Variants in PHF7 observed in about 807,000 individuals in gnomAD.
The protein encoded by PHF7 is E3 ubiquitin-protein ligase PHF7.
Under a neutral mutation model 47.5 loss-of-function variants are expected in PHF7, and 24 were observed. The observed-to-expected ratio is 0.51, with a 90% confidence interval of 0.37 to 0.71. PHF7 has a LOEUF of 0.71. Among genes scored for constraint, PHF7 ranks in the 30% least tolerant of loss-of-function variants. The pLI is 0.00. For missense variants in PHF7, 361 were observed against 456.8 expected, an observed-to-expected ratio of 0.79 and a Z score of 1.91; for synonymous variants, 156 against 153.8, an observed-to-expected ratio of 1.01 and a Z score of -0.11.
At chr3:52,421,617 AAC>A (rs768243778) in intron 7 of PHF7, 29 bp from the exon 8 acceptor site, 2 of 1,284,358 alleles carry the variant, frequency 1.6e-6, no homozygotes, top group Admixed American at 1.7e-5. Context: ...GGTTTTTACA[AAC>A]ACAGAGCTCT....
At position 52,417,287 on chromosome 3, in the gene PHF7, T is replaced by C. The variant is rs577119751; in HGVS notation, c.187-2546T>C. Among the ~76,000 whole-genome samples the C allele has an allele frequency of 2.3e-4, 35 of 152,330 alleles. No homozygotes were observed. In the South Asian group the frequency reaches 7.0e-3, roughly 31 times the overall value. ...TGTTTTGACTATCAGGTCCTTTCTTTATAAAGTTTATATTAAGCTTGTCAA... is the reference window on the plus strand; with the variant it reads ...TGTTTTGACTATCAGGTCCTTTCTTCATAAAGTTTATATTAAGCTTGTCAA... On this transcript the variant is annotated intron_variant, in intron 4 of 10. Coordinates refer to ENST00000327906, the MANE Select transcript of PHF7 (RefSeq NM_016483.7).
chr3:52,422,187 T>C (rs1416816783), intron 8 of PHF7, 35 bp from the exon 9 acceptor site: 2 of 1,402,166 alleles, frequency 1.4e-6, no homozygotes, highest in African/African-American at 2.8e-5. Flanking sequence ...ACCAACCCAT[T>C]ATGTTCTTAT....
Position 52,411,182 on chromosome 3 carries a change from G to T in PHF7, c.-135G>T, listed in dbSNP as rs1381334426. ...AGATCGTGACGTCTTGTAACTAGCA[G>T]TGTGTGCACAGAATCCTACTCAAGG... On this transcript the variant is annotated 5_prime_UTR_variant, in exon 1 of 11. Coordinates refer to ENST00000327906, the MANE Select transcript of PHF7 (RefSeq NM_016483.7). 1 of 152,256 alleles carries T rather than the reference G, an allele frequency of 6.6e-6. No homozygotes were observed. Among genetic ancestry groups the T allele is most frequent in the Non-Finnish European group, 1.5e-5 (1 of 68,060 alleles). 9.4% of individuals were successfully genotyped at this position (152,256 alleles called of 1,614,324 possible).
chr3:52,423,187 C>G lies in PHF7; in HGVS notation c.1016C>G (p.Pro339Arg), dbSNP rs545649385. 1 of 1,613,810 alleles carries G rather than the reference C, an allele frequency of 6.2e-7. No individual in the cohort carries two copies. The highest frequency in any genetic ancestry group is 8.5e-7 in the Non-Finnish European group (1 of 1,179,684). The change falls in exon 11 of 11, where the codon CCG becomes CGG. Residue 339 changes from proline (P) to arginine (R), a missense_variant. Physicochemically the swap from Pro to Arg is moderately radical, Grantham distance 103. Coordinates refer to ENST00000327906, the MANE Select transcript of PHF7 (RefSeq NM_016483.7). ...AGAGACAACACCTTGGAAGAGAATC[C>G]GGGCCTTTCTTGGACTGATTGGCCA... is the stretch of plus-strand genomic sequence containing the variant. ...FCRDNTLEEN[P>R]GLSWTDWPEP...
chr3:52,413,872 G>A, intron 2 of PHF7, 124 bp from the exon 3 acceptor site: 3 of 697,818 alleles, frequency 4.3e-6, no homozygotes, highest in Non-Finnish European at 7.8e-6. Context: ...AGAAGCTGAT[G>A]TCTTAGGCTT....
Position 52,421,656 on chromosome 3 carries a change from C to T in PHF7, c.582C>T (p.Ala194=), listed in dbSNP as rs1287566889. The change falls in exon 8 of 11, where the codon GCC becomes GCT. Residue 194 remains alanine (A), a synonymous_variant. Transcript: ENST00000327906. ...CCCTGTTTCTCTTACAGAAATATGC[C>T]CACACATCAGCAAAGCATTTCTTCA... is the stretch of plus-strand genomic sequence containing the variant. ...IYHRKCIQKY[A]HTSAKHFFKC... 2.5e-6 allele frequency: 4 copies of T among 1,591,286 alleles called. No homozygotes were observed. In the South Asian group the frequency reaches 3.3e-5, roughly 13 times the overall value.
chr3:52,418,461 A>C (rs1204114922), intron 4 of PHF7, among the ~76,000 whole-genome samples: 1 of 152,230 alleles, frequency 6.6e-6, no homozygotes, highest in Non-Finnish European at 1.5e-5. Flanking sequence ...AATGATACTT[A>C]AAAATATGAA....
At chr3:52,412,712 A>G (rs1468481503) in intron 1 of PHF7, 99 bp from the exon 2 acceptor site, 6 of 624,508 alleles carry the variant, frequency 9.6e-6, no homozygotes, top group Non-Finnish European at 1.7e-5. Context: ...ATTCCATCAC[A>G]TGGGTTGGGA....
At chr3:52,421,332 G>A (rs1464516766) in intron 7 of PHF7, among the ~76,000 whole-genome samples, 2 of 152,210 alleles carry the variant, frequency 1.3e-5, no homozygotes, top group South Asian at 4.1e-4. Flanking sequence ...GAGCTGAGAA[G>A]CCTCTATGTC....
chr3:52,412,873 G>A lies in PHF7; in HGVS notation c.-7G>A. 6.2e-7 allele frequency: 1 copy of A among 1,603,602 alleles called. No individual in the cohort carries two copies. The highest frequency in any genetic ancestry group is 1.1e-5 in the South Asian group (1 of 90,678). On this transcript the variant is annotated 5_prime_UTR_variant, in exon 2 of 11. Transcript: ENST00000327906. ...GAATTCAAGAGAGGAGAGAGAGACA[G>A]CACCGAATGAAGACTGTAAAAGAAA...
chr3:52,421,029 T>C lies in PHF7; in HGVS notation c.540T>C (p.Cys180=), dbSNP rs759733825. Residue 180 remains cysteine, a synonymous_variant, in exon 7 of 11, where the codon TGT becomes TGC. Coordinates refer to ENST00000327906, the MANE Select transcript of PHF7 (RefSeq NM_016483.7). ...QSVENIQSPC[C]SQAIYHRKCI... ...TTGAGAACATCCAGAGCCCGTGTTG[T>C]AGTCAAGCCATCTACCACCGCAAGT... 2 of 1,612,898 alleles carry C rather than the reference T, an allele frequency of 1.2e-6. No individual in the cohort carries two copies. Among genetic ancestry groups the C allele is most frequent in the Non-Finnish European group, 8.5e-7 (1 of 1,179,506 alleles).
At position 52,422,790 on chromosome 3, in the gene PHF7, C is replaced by T. The variant is rs1158952346; in HGVS notation, c.828C>T (p.Cys276=). The change falls in exon 10 of 11, where the codon TGC becomes TGT. Residue 276 remains cysteine, a synonymous_variant. Transcript: ENST00000327906. ...GRWCLILCAT[C]GSHGTHRDCS... The stretch of plus-strand genomic sequence containing the variant: ...GGTGCCTCATTCTGTGTGCTACATG[C>T]GGATCCCACGGAACCCACAGGGACT... The T allele has an allele frequency of 6.8e-6, 11 of 1,613,734 alleles. No homozygotes were observed. Among genetic ancestry groups the T allele is most frequent in the African/African-American group, 5.3e-5 (4 of 74,886 alleles).
At chr3:52,420,515 C>T in intron 6 of PHF7, 80 bp downstream of exon 6, 2 of 1,369,022 alleles carry the variant, frequency 1.5e-6, no homozygotes, top group Non-Finnish European at 2.1e-6. Context: ...GTCCAGTTCT[C>T]ACAAGCAGGC....
chr3:52,416,908 T>A (rs1374800910), intron 4 of PHF7, among the ~76,000 whole-genome samples: 1 of 152,214 alleles, frequency 6.6e-6, no homozygotes, highest in Non-Finnish European at 1.5e-5. Context: ...ATACAAATTC[T>A]TTTTCAAATA....
chr3:52,418,842 C>T (rs565329463), intron 4 of PHF7, among the ~76,000 whole-genome samples: 3 of 149,974 alleles, frequency 2.0e-5, no homozygotes, highest in Non-Finnish European at 4.4e-5. Flanking sequence ...GAGTCTTGCT[C>T]TGTCGCCCAG....
rs146801622 is a variant in PHF7, at chr3:52,419,829, G to A, written c.187-4G>A. 6.0e-4 allele frequency: 930 copies of A among 1,545,710 alleles called. 1 individual carries two copies. Among genetic ancestry groups the A allele is most frequent in the Non-Finnish European group, 7.6e-4 (849 of 1,123,832 alleles). On this transcript the variant is annotated splice_region_variant and splice_polypyrimidine_tract_variant and intron_variant, in intron 4 of 10. Transcript: ENST00000327906. The stretch of plus-strand genomic sequence containing the variant: ...TTAACAGCCTGGTTCTACTGCCCCC[G>A]CAGATCTTATCTAGTAAGCTGCCTC...
chr3:52,412,822 T>G lies in PHF7; in HGVS notation c.-58T>G, dbSNP rs1705492792. On this transcript the variant is annotated 5_prime_UTR_variant, in exon 2 of 11. Transcript: ENST00000327906. ...ATTTATATTTATAGCTGGAAGAGCC[T>G]GTATTGTCCTCACAATAGTATAGAA... 7.7e-7 allele frequency: 1 copy of G among 1,295,950 alleles called. No individual in the cohort carries two copies. Among genetic ancestry groups the G allele is most frequent in the Admixed American group, 1.7e-5 (1 of 58,404 alleles). The allele number at this position is 1,295,950 out of a possible 1,614,324, so 80.3% of individuals were successfully genotyped here. A position where few individuals can be genotyped will look rare whatever the true frequency, so the allele number is the denominator to read the frequency against.
intron 4 of PHF7, among the ~76,000 whole-genome samples, chr3:52,415,737 A>G (rs1705603206): frequency 6.6e-6 from 1 of 152,198 alleles, no homozygotes; most frequent in Admixed American, 6.5e-5. Context: ...ATTACTTGGT[A>G]GTATTCGGTT....
At chr3:52,411,686 G>A (rs1705442679) in intron 1 of PHF7, among the ~76,000 whole-genome samples, 1 of 152,204 alleles carries the variant, frequency 6.6e-6, no homozygotes, top group African/African-American at 2.4e-5. Context: ...GCTTCACAGC[G>A]GTGGATTTTC....
Sources: allele counts gnomAD v4.1 joint callset (sites outside exome capture counted in the v4.1 genomes callset), GRCh38; gene constraint gnomAD v4.1.1; transcripts MANE v1.5; gene names NCBI Gene and HGNC (gene_info 2026-07-23, HGNC 2026-07-21).